The following LCOR variants were observed in gnomAD, a reference collection of about 807,000 sequenced individuals.
The protein encoded by LCOR is ligand-dependent corepressor.
Under a neutral mutation model 64.4 loss-of-function variants are expected in LCOR, and 14 were observed. That is an observed-to-expected ratio of 0.22 (90% CI 0.14 to 0.34). The LOEUF is 0.34. Ranked by LOEUF, LCOR falls within the 10% of genes least tolerant of loss-of-function variation. The pLI is 1.00. For synonymous variants in LCOR, 643 were observed against 642.5 expected (o/e 1.00, Z -0.01); for missense variants, 1,686 against 1,765.3 (o/e 0.96, Z 0.80).
At position 96,993,364 on chromosome 10, in the gene LCOR, A is replaced by C. The variant is rs899365693; in HGVS notation, c.*8230A>C. 1 of 152,236 alleles carries C rather than the reference A, an allele frequency of 6.6e-6. No homozygotes were observed. Among genetic ancestry groups the C allele is most frequent in the African/African-American group, 2.4e-5 (1 of 41,456 alleles). The allele number at this position is 152,236 out of a possible 1,614,324, so 9.4% of individuals were successfully genotyped here. On this transcript the variant is annotated 3_prime_UTR_variant, in exon 8 of 8. Transcript: ENST00000421806. ...TTTTTTCTAGGAGACTTTGTAAGCA[A>C]ATCTGATTTTAAGATGAAATGTGAA...
At chr10:96,956,259 TAA>T (rs1181291358) in intron 7 of LCOR, 4 of 1,014,062 alleles carry the variant, frequency 3.9e-6, no homozygotes, top group African/African-American at 3.4e-5. Flanking sequence ...TGTTTTTTCT[TAA>T]GTTATATTTG....
chr10:96,955,110 C>T, intron 7 of LCOR: 2 of 1,614,196 alleles, frequency 1.2e-6, no homozygotes, highest in Non-Finnish European at 1.7e-6. Flanking sequence ...TGAAGAACTA[C>T]TGAGCAGAAA....
At chr10:96,970,586 G>A (rs1372834713) in intron 7 of LCOR, among the ~76,000 whole-genome samples, 1 of 144,696 alleles carries the variant, frequency 6.9e-6, no homozygotes, top group Non-Finnish European at 1.5e-5. Flanking sequence ...TGGATTGTAA[G>A]ATCCTAACCA....
At chr10:96,834,917 T>C (rs1020163353) in intron 2 of LCOR, among the ~76,000 whole-genome samples, 3 of 152,228 alleles carry the variant, frequency 2.0e-5, no homozygotes, top group African/African-American at 4.8e-5. Flanking sequence ...TTTTTCTTTA[T>C]TGAGACGGAG....
chr10:96,900,101 A>G (rs560823764), intron 2 of LCOR, among the ~76,000 whole-genome samples: 5 of 152,290 alleles, frequency 3.3e-5, no homozygotes, highest in African/African-American at 1.2e-4. Flanking sequence ...ATTCAGCCAT[A>G]GGAAACCACT....
At chr10:96,863,994 A>T (rs1026972335) in intron 2 of LCOR, among the ~76,000 whole-genome samples, 1 of 152,190 alleles carries the variant, frequency 6.6e-6, no homozygotes. Flanking sequence ...GTATGTTTAC[A>T]TTCTGATGTG....
intron 5 of LCOR, among the ~76,000 whole-genome samples, chr10:96,947,427 T>C (rs1847607666): frequency 6.6e-6 from 1 of 152,160 alleles, no homozygotes; most frequent in Non-Finnish European, 1.5e-5. Context: ...ATTTGTTTGT[T>C]GTTTATTATG....
intron 2 of LCOR, among the ~76,000 whole-genome samples, chr10:96,850,522 C>CTT (rs1222816900): frequency 6.6e-6 from 1 of 152,122 alleles, no homozygotes; most frequent in East Asian, 1.9e-4. Flanking sequence ...GACAGCATCT[C>CTT]TGTCACCCAG....
chr10:96,927,047 T>C (rs1408524236), intron 4 of LCOR, among the ~76,000 whole-genome samples: 1 of 152,124 alleles, frequency 6.6e-6, no homozygotes, highest in East Asian at 1.9e-4. Context: ...GAGTTGGAAT[T>C]GCTGAGTGGT....
intron 2 of LCOR, among the ~76,000 whole-genome samples, chr10:96,864,783 A>C (rs1193843882): frequency 6.6e-6 from 1 of 152,232 alleles, no homozygotes; most frequent in Non-Finnish European, 1.5e-5. Context: ...GACAGCATTC[A>C]GTACAGTGAC....
chr10:96,833,297 CT>C, intron 1 of LCOR, 108 bp from the exon 2 acceptor site: 6 of 952,492 alleles, frequency 6.3e-6, no homozygotes, highest in Admixed American at 6.2e-5. Context: ...CCTCGGGTGG[CT>C]TTTTCCCTGC....
intron 2 of LCOR, among the ~76,000 whole-genome samples, chr10:96,835,045 C>T (rs1436648692): frequency 6.6e-6 from 1 of 152,156 alleles, no homozygotes; most frequent in East Asian, 1.9e-4. Flanking sequence ...GGACTACAGG[C>T]GTGCGCCACC....
intron 4 of LCOR, among the ~76,000 whole-genome samples, chr10:96,921,785 G>A (rs769663673): frequency 6.6e-6 from 1 of 152,178 alleles, no homozygotes; most frequent in Non-Finnish European, 1.5e-5. Flanking sequence ...GCAGCATGTG[G>A]ATGACCACAT....
chr10:96,972,301 T>A (rs1369051114), intron 7 of LCOR, among the ~76,000 whole-genome samples: 1 of 152,088 alleles, frequency 6.6e-6, no homozygotes, highest in African/African-American at 2.4e-5. Flanking sequence ...TTTTAAAAAA[T>A]TAACACCATA....
chr10:96,855,345 A>AC (rs111826319), intron 2 of LCOR, among the ~76,000 whole-genome samples: 22,075 of 152,078 alleles, frequency 0.15, 2,251 homozygotes, highest in African/African-American at 0.28. Flanking sequence ...GCCGATAATT[A>AC]CCTTTTTTGC....
intron 2 of LCOR, among the ~76,000 whole-genome samples, chr10:96,855,481 C>G (rs1845788024): frequency 6.6e-6 from 1 of 152,086 alleles, no homozygotes; most frequent in African/African-American, 2.4e-5. Context: ...GTTGCCCAGG[C>G]TGGAGTGCAA....
At chr10:96,832,897 C>A in intron 1 of LCOR, 1 of 761,318 alleles carries the variant, frequency 1.3e-6, no homozygotes, top group Non-Finnish European at 1.6e-6. Flanking sequence ...GCGGGGCGCG[C>A]CCCCGGGTCT....
At chr10:96,870,438 C>T (rs927986707) in intron 2 of LCOR, among the ~76,000 whole-genome samples, 3 of 152,148 alleles carry the variant, frequency 2.0e-5, no homozygotes, top group Non-Finnish European at 2.9e-5. Context: ...TCCCAAAGTC[C>T]GTAGGCACTG....
intron 7 of LCOR, among the ~76,000 whole-genome samples, chr10:96,972,659 A>T (rs1252923538): frequency 6.6e-6 from 1 of 152,174 alleles, no homozygotes; most frequent in East Asian, 1.9e-4. Context: ...AAAATAGGAG[A>T]TACAATATAT....
Sources: allele counts gnomAD v4.1 joint callset (sites outside exome capture counted in the v4.1 genomes callset), GRCh38; gene constraint gnomAD v4.1.1; transcripts MANE v1.5; gene names NCBI Gene and HGNC (gene_info 2026-07-23, HGNC 2026-07-21).